ST18: variants seen among roughly 807,000 people sequenced by gnomAD.
ST18 encodes suppression of tumorigenicity 18 protein.
Under a neutral mutation model 110.0 loss-of-function variants are expected in ST18, and 50 were observed. The observed-to-expected ratio is 0.45, with a 90% confidence interval of 0.36 to 0.58. The LOEUF is 0.58. ST18 is among the 20% of genes least tolerant of loss of function. The pLI is 0.00. For missense variants in ST18, 1,306 were observed against 1,280.1 expected (o/e 1.02, Z -0.31); for synonymous variants, 461 against 452.4 (o/e 1.02, Z -0.24).
chr8:52,297,564 A>G (rs1321533710), intron 2 of ST18, among the ~76,000 whole-genome samples: 1 of 152,240 alleles, frequency 6.6e-6, no homozygotes, highest in Non-Finnish European at 1.5e-5. Flanking sequence ...GGTAAAATCA[A>G]TGGAAGAAAT....
chr8:52,131,369 A>C (rs2049504312), intron 22 of ST18, among the ~76,000 whole-genome samples: 1 of 152,192 alleles, frequency 6.6e-6, no homozygotes, highest in Non-Finnish European at 1.5e-5. Context: ...TGCCCAAGAA[A>C]GGGCTTGGTT....
intron 8 of ST18, among the ~76,000 whole-genome samples, chr8:52,198,185 T>A (rs2076809133): frequency 6.6e-6 from 1 of 152,104 alleles, no homozygotes; most frequent in Admixed American, 6.6e-5. Context: ...TTTTGTATTT[T>A]CAGTAGAGAT....
Position 52,166,864 on chromosome 8 carries a change from C to A in ST18, c.1192G>T (p.Val398Phe), listed in dbSNP as rs1356104461. 9 of 1,589,536 alleles carry A rather than the reference C, an allele frequency of 5.7e-6. No homozygotes were observed. The Admixed American group carries it at 8.5e-5, about 15-fold the overall frequency. The part of the protein sequence containing the change: ...SLSGCPHKVR[V>F]PLEILAMHEN... ...AAGTGGTACTCACTTTCCAGGGGAA[C>A]CCGCACTTTGTGGGGGCACCCCGAA... The change falls in exon 11 of 26, where the codon GTT becomes TTT. Residue 398 changes from valine (V) to phenylalanine (F), a missense_variant. By Grantham distance (50) the Val-to-Phe change is conservative. Coordinates refer to ENST00000689386, the MANE Select transcript of ST18 (RefSeq NM_001352837.2).
At chr8:52,319,309 C>T (rs560126462) in intron 2 of ST18, among the ~76,000 whole-genome samples, 5 of 152,046 alleles carry the variant, frequency 3.3e-5, no homozygotes, top group Non-Finnish European at 7.4e-5. Flanking sequence ...TATTAATTAA[C>T]CATGCCATTC....
intron 2 of ST18, among the ~76,000 whole-genome samples, chr8:52,287,338 A>C (rs1415632641): frequency 4.6e-5 from 7 of 152,206 alleles, no homozygotes; most frequent in Non-Finnish European, 1.0e-4. Flanking sequence ...TTTTTCTGCT[A>C]TATTAACCAG....
chr8:52,348,699 G>A (rs926651658), intron 2 of ST18, among the ~76,000 whole-genome samples: 8 of 152,124 alleles, frequency 5.3e-5, no homozygotes, highest in Non-Finnish European at 1.5e-5. Flanking sequence ...AGCCGAGATC[G>A]TGCCATTGCA....
chr8:52,179,790 G>T (rs2068606922), intron 9 of ST18, among the ~76,000 whole-genome samples: 1 of 151,930 alleles, frequency 6.6e-6, no homozygotes, highest in South Asian at 2.1e-4. Context: ...ATTCTTTCAG[G>T]AATCCTTCCT....
intron 7 of ST18, among the ~76,000 whole-genome samples, chr8:52,212,887 T>A (rs2082719595): frequency 6.6e-6 from 1 of 152,196 alleles, no homozygotes; most frequent in Non-Finnish European, 1.5e-5. Context: ...TTTAAAAGTA[T>A]GACAGAGTAG....
chr8:52,368,383 A>G (rs1380786389), intron 2 of ST18, among the ~76,000 whole-genome samples: 1 of 152,256 alleles, frequency 6.6e-6, no homozygotes, highest in Non-Finnish European at 1.5e-5. Context: ...CAACCCAAAA[A>G]TGTTCACCAG....
intron 23 of ST18, among the ~76,000 whole-genome samples, chr8:52,122,786 G>A (rs1283040525): frequency 1.3e-5 from 2 of 151,762 alleles, no homozygotes; most frequent in Non-Finnish European, 1.5e-5. Flanking sequence ...GTGCCCGGCC[G>A]AACTTTTATT....
At chr8:52,398,897 TTC>T (rs1376631054) in intron 2 of ST18, among the ~76,000 whole-genome samples, 2 of 152,090 alleles carry the variant, frequency 1.3e-5, no homozygotes, top group African/African-American at 2.4e-5. Context: ...GCCTGTAGTT[TTC>T]TTTTTCTGTG....
chr8:52,308,554 T>C (rs181654278), intron 2 of ST18, among the ~76,000 whole-genome samples: 1 of 152,216 alleles, frequency 6.6e-6, no homozygotes, highest in East Asian at 1.9e-4. Flanking sequence ...AGGAAAAAAA[T>C]GTTTGATGAT....
chr8:52,342,244 C>T (rs948893675), intron 2 of ST18, among the ~76,000 whole-genome samples: 5 of 151,992 alleles, frequency 3.3e-5, no homozygotes, highest in African/African-American at 1.2e-4. Flanking sequence ...TTAAAAAATA[C>T]GTTGTATTCA....
chr8:52,299,127 A>G (rs1435192499), intron 2 of ST18, among the ~76,000 whole-genome samples: 1 of 152,054 alleles, frequency 6.6e-6, no homozygotes, highest in African/African-American at 2.4e-5. Context: ...TTTTCCCTCT[A>G]GGGCTCAGAT....
At chr8:52,350,871 C>T (rs1376684142) in intron 2 of ST18, among the ~76,000 whole-genome samples, 1 of 152,040 alleles carries the variant, frequency 6.6e-6, no homozygotes, top group Non-Finnish European at 1.5e-5. Flanking sequence ...CAGGCGTGTG[C>T]CACCACGCCC....
At chr8:52,363,340 T>G (rs1392339134) in intron 2 of ST18, among the ~76,000 whole-genome samples, 2 of 152,070 alleles carry the variant, frequency 1.3e-5, no homozygotes, top group Admixed American at 1.3e-4. Flanking sequence ...TTTTAAATCT[T>G]TCTCGTGAAT....
At chr8:52,195,373 CT>C (rs2075871879) in intron 8 of ST18, among the ~76,000 whole-genome samples, 1 of 151,940 alleles carries the variant, frequency 6.6e-6, no homozygotes, top group Non-Finnish European at 1.5e-5. Context: ...CTTCAAAATA[CT>C]TTCTTTTGAG....
At chr8:52,122,585 C>T (rs545611827) in intron 23 of ST18, among the ~76,000 whole-genome samples, 131 of 152,120 alleles carry the variant, frequency 8.6e-4, no homozygotes, top group African/African-American at 2.8e-3. Flanking sequence ...TGAGTTCAAG[C>T]GATTCTCCTG....
At chr8:52,345,276 C>T (rs1227905849) in intron 2 of ST18, among the ~76,000 whole-genome samples, 1 of 152,124 alleles carries the variant, frequency 6.6e-6, no homozygotes, top group East Asian at 1.9e-4. Context: ...ACAAATTAGT[C>T]ATCCAGATTT....
Sources: allele counts gnomAD v4.1 joint callset (sites outside exome capture counted in the v4.1 genomes callset), GRCh38; gene constraint gnomAD v4.1.1; transcripts MANE v1.5; gene names NCBI Gene and HGNC (gene_info 2026-07-23, HGNC 2026-07-21).